LYPD6B: variants seen among roughly 807,000 people sequenced by gnomAD.
The protein encoded by LYPD6B is ly6/PLAUR domain-containing protein 6B.
A neutral mutation model predicts 22.8 loss-of-function variants in LYPD6B; 17 were observed. The ratio of observed to expected loss-of-function variants is 0.75; its 90% CI spans 0.51 to 1.12. LYPD6B has a LOEUF of 1.12. LYPD6B is among the 50% of genes most tolerant of loss of function. The pLI, the probability that LYPD6B is intolerant of heterozygous loss-of-function variation, is 0.00. For missense variants in LYPD6B, 221 were observed against 258.3 expected (o/e 0.86, Z 0.99); for synonymous variants, 106 against 91.6 (o/e 1.16, Z -0.90).
intron 1 of LYPD6B, among the ~76,000 whole-genome samples, chr2:149,078,349 G>A (rs899440931): frequency 6.6e-6 from 1 of 152,118 alleles, no homozygotes; most frequent in African/African-American, 2.4e-5. Flanking sequence ...TAACATCTGA[G>A]TATTTTGGAG....
At chr2:149,118,698 A>G (rs1687129776) in intron 1 of LYPD6B, among the ~76,000 whole-genome samples, 2 of 152,176 alleles carry the variant, frequency 1.3e-5, no homozygotes, top group South Asian at 4.1e-4. Flanking sequence ...TACATAAGTG[A>G]TATGTTACTT....
chr2:149,135,008 G>A (rs1688268341), intron 2 of LYPD6B, among the ~76,000 whole-genome samples: 1 of 152,204 alleles, frequency 6.6e-6, no homozygotes, highest in Admixed American at 6.5e-5. Flanking sequence ...ACTTTGGGAG[G>A]CTGAGGCAGG....
At chr2:149,147,227 AAAAAACG>A (rs1689081056) in intron 2 of LYPD6B, among the ~76,000 whole-genome samples, 1 of 129,846 alleles carries the variant, frequency 7.7e-6, no homozygotes, top group Non-Finnish European at 1.7e-5. Flanking sequence ...AAAACAAAAC[AAAAAACG>A]AAGCAGAAAT....
intron 2 of LYPD6B, 59 bp from the exon 3 acceptor site, chr2:149,160,705 C>A (rs953003337): frequency 1.1e-5 from 14 of 1,222,346 alleles, no homozygotes; most frequent in African/African-American, 1.5e-5. Flanking sequence ...TCCAGTTGTT[C>A]AAGAACGTTA....
At chr2:149,051,869 T>C (rs1683578868) in intron 1 of LYPD6B, among the ~76,000 whole-genome samples, 1 of 152,132 alleles carries the variant, frequency 6.6e-6, no homozygotes, top group Admixed American at 6.5e-5. Context: ...TTTCACCATG[T>C]TGGCCAGGCT....
intron 3 of LYPD6B, among the ~76,000 whole-genome samples, chr2:149,180,127 A>T (rs553670871): frequency 6.6e-6 from 1 of 152,336 alleles, no homozygotes; most frequent in South Asian, 2.1e-4. Context: ...ATCTGCGAAG[A>T]CACTTTGTCT....
chr2:149,144,363 T>C (rs79251717), intron 2 of LYPD6B, among the ~76,000 whole-genome samples: 2,268 of 152,230 alleles, frequency 0.015, 48 homozygotes, highest in African/African-American at 0.052. Context: ...GCCCTTTAGA[T>C]GAAAGACTAG....
At chr2:149,086,984 T>C (rs1180270122) in intron 1 of LYPD6B, among the ~76,000 whole-genome samples, 3 of 150,722 alleles carry the variant, frequency 2.0e-5, no homozygotes, top group African/African-American at 7.3e-5. Flanking sequence ...AGACCCTATC[T>C]CCTCTTAATG....
At chr2:149,064,164 T>C (rs1175106834) in intron 1 of LYPD6B, among the ~76,000 whole-genome samples, 1 of 152,224 alleles carries the variant, frequency 6.6e-6, no homozygotes, top group Non-Finnish European at 1.5e-5. Flanking sequence ...ACTAGTCTTC[T>C]AAAACATAGT....
intron 2 of LYPD6B, among the ~76,000 whole-genome samples, chr2:149,140,765 G>A (rs1035073156): frequency 3.9e-5 from 6 of 152,200 alleles, no homozygotes; most frequent in Admixed American, 1.3e-4. Context: ...ATCCAGCATC[G>A]TGGCATAAAT....
chr2:149,121,252 CTAAGG>C (rs1241280668), intron 1 of LYPD6B, among the ~76,000 whole-genome samples: 1 of 151,958 alleles, frequency 6.6e-6, no homozygotes, highest in East Asian at 1.9e-4. Flanking sequence ...TTTTTATTTC[CTAAGG>C]TATTGTTTTC....
chr2:149,111,528 G>C (rs568467736), intron 1 of LYPD6B, among the ~76,000 whole-genome samples: 20 of 152,150 alleles, frequency 1.3e-4, no homozygotes, highest in Non-Finnish European at 2.4e-4. Flanking sequence ...TTATTGTTGT[G>C]TGTCTCTTCA....
chr2:149,157,466 G>A (rs1440135644), intron 2 of LYPD6B, among the ~76,000 whole-genome samples: 1 of 152,224 alleles, frequency 6.6e-6, no homozygotes, highest in African/African-American at 2.4e-5. Flanking sequence ...AATCTGCGAT[G>A]ACAGCAGATC....
intron 2 of LYPD6B, among the ~76,000 whole-genome samples, chr2:149,152,073 ACTC>A (rs1377808067): frequency 6.7e-6 from 1 of 149,896 alleles, no homozygotes; most frequent in South Asian, 2.1e-4. Context: ...CCTTCATAAA[ACTC>A]CTCTCTTTTC....
At chr2:149,147,070 A>G (rs1689071259) in intron 2 of LYPD6B, among the ~76,000 whole-genome samples, 1 of 152,142 alleles carries the variant, frequency 6.6e-6, no homozygotes, top group South Asian at 2.1e-4. Context: ...GCGGAGAAGC[A>G]CAACCCCAGC....
At chr2:149,068,139 C>T (rs1398578838) in intron 1 of LYPD6B, among the ~76,000 whole-genome samples, 2 of 152,110 alleles carry the variant, frequency 1.3e-5, no homozygotes, top group Admixed American at 6.5e-5. Context: ...TAATTTTTAA[C>T]CTTTGTAGAA....
chr2:149,117,151 T>G (rs964518564), intron 1 of LYPD6B, among the ~76,000 whole-genome samples: 4 of 152,282 alleles, frequency 2.6e-5, no homozygotes, highest in African/African-American at 9.6e-5. Context: ...ACATTGCTGA[T>G]AATTTTCCTC....
chr2:149,074,265 C>G (rs1684779459), intron 1 of LYPD6B, among the ~76,000 whole-genome samples: 1 of 124,918 alleles, frequency 8.0e-6, no homozygotes, highest in South Asian at 3.0e-4. Context: ...TACACGCATG[C>G]ATGCACACAC....
intron 1 of LYPD6B, among the ~76,000 whole-genome samples, chr2:149,110,394 T>A (rs559574929): frequency 2.0e-4 from 31 of 152,330 alleles, no homozygotes; most frequent in African/African-American, 7.2e-4. Flanking sequence ...CCAGATATTG[T>A]GAATTTTACT....
Sources: gnomAD v4.1 joint callset for allele counts (sites outside exome capture counted in the v4.1 genomes callset) on GRCh38, gnomAD v4.1.1 for gene constraint, MANE v1.5 for transcripts, NCBI Gene and HGNC (gene_info 2026-07-23, HGNC 2026-07-21) for gene names.